NCOA1: variants seen among roughly 807,000 people sequenced by gnomAD.
The protein encoded by NCOA1 is nuclear receptor coactivator 1.
A neutral mutation model predicts 150.9 loss-of-function variants in NCOA1; 35 were observed. The observed-to-expected ratio is 0.23, with a 90% CI of 0.18 to 0.31. The LOEUF (loss-of-function observed/expected upper bound fraction) is 0.31. Among genes scored for constraint, NCOA1 ranks in the 10% least tolerant of loss-of-function variants. The pLI is 1.00. For missense variants in NCOA1, 1,491 were observed against 1,749.3 expected (o/e 0.85, Z 2.63); for synonymous variants, 590 against 630.0 (o/e 0.94, Z 0.95).
At chr2:24,534,336 TTCTTCTTTATTAG>T (rs1396478152) in intron 1 of NCOA1, among the ~76,000 whole-genome samples, 1 of 152,130 alleles carries the variant, frequency 6.6e-6, no homozygotes, top group Non-Finnish European at 1.5e-5. Flanking sequence ...CTTCTCTCTT[TTCTTCTTTATTAG>T]TCTTGCTAGA....
intron 2 of NCOA1, among the ~76,000 whole-genome samples, chr2:24,581,286 C>T (rs1389387999): frequency 1.3e-5 from 2 of 152,222 alleles, no homozygotes; most frequent in Non-Finnish European, 2.9e-5. Context: ...TCTTCACTGA[C>T]ACTGTGGAAA....
intron 5 of NCOA1, among the ~76,000 whole-genome samples, chr2:24,661,063 A>G (rs1270459044): frequency 1.3e-5 from 2 of 149,728 alleles, no homozygotes; most frequent in African/African-American, 4.9e-5. Context: ...CTCCGGCTCA[A>G]AAAAAAAAAA....
chr2:24,533,909 T>C (rs1050026335), intron 1 of NCOA1, among the ~76,000 whole-genome samples: 5 of 151,482 alleles, frequency 3.3e-5, no homozygotes, highest in Non-Finnish European at 7.4e-5. Context: ...ATTCTCTTTT[T>C]TGTTGTGTCT....
At chr2:24,632,377 C>T (rs1669745468) in intron 3 of NCOA1, among the ~76,000 whole-genome samples, 1 of 152,160 alleles carries the variant, frequency 6.6e-6, no homozygotes, top group Non-Finnish European at 1.5e-5. Flanking sequence ...GGTTTCAAAG[C>T]TATTTAAAAA....
At chr2:24,751,370 G>A (rs1664231494) in intron 19 of NCOA1, among the ~76,000 whole-genome samples, 1 of 151,390 alleles carries the variant, frequency 6.6e-6, no homozygotes, top group Non-Finnish European at 1.5e-5. Context: ...ATCACCTGAG[G>A]TCAGGAGTTC....
Position 24,742,253 on chromosome 2 carries a change from A to G in NCOA1, c.3706+67A>G, listed in dbSNP as rs971188179. 9.3e-6 allele frequency: 14 copies of G among 1,503,298 alleles called. No individual in the cohort carries two copies. The African/African-American group carries it at 1.7e-4, about 18-fold the overall frequency. The allele number at this position is 1,503,298 out of a possible 1,614,324, so 93.1% of individuals were successfully genotyped here. ...CAGGCTTAGGTCTCTCTCCATCTTT[A>G]TGTCTGTGCTTGGACATTAAAATAG... On this transcript the variant is annotated intron_variant, in intron 19 of 22. Transcript: ENST00000348332.
At chr2:24,749,471 G>GA (rs1664110294) in intron 19 of NCOA1, among the ~76,000 whole-genome samples, 1 of 152,218 alleles carries the variant, frequency 6.6e-6, no homozygotes, top group African/African-American at 2.4e-5. Flanking sequence ...AAAACCACCT[G>GA]AAAAGATAAG....
At chr2:24,590,884 A>G (rs920257429) in intron 3 of NCOA1, among the ~76,000 whole-genome samples, 1 of 152,020 alleles carries the variant, frequency 6.6e-6, no homozygotes, top group African/African-American at 2.4e-5. Context: ...TGTATTGTTT[A>G]TTTGTTTTAT....
At chr2:24,632,369 T>C (rs1355701922) in intron 3 of NCOA1, among the ~76,000 whole-genome samples, 1 of 152,106 alleles carries the variant, frequency 6.6e-6, no homozygotes, top group Non-Finnish European at 1.5e-5. Context: ...AGGAAGATGG[T>C]TTCAAAGCTA....
intron 17 of NCOA1, among the ~76,000 whole-genome samples, chr2:24,734,676 G>A (rs1663198980): frequency 6.6e-6 from 1 of 152,034 alleles, no homozygotes; most frequent in Non-Finnish European, 1.5e-5. Flanking sequence ...GTGTGGTGAT[G>A]TGCACCTGTA....
intron 3 of NCOA1, among the ~76,000 whole-genome samples, chr2:24,601,452 C>G (rs892589277): frequency 1.3e-5 from 2 of 152,052 alleles, no homozygotes; most frequent in African/African-American, 4.8e-5. Context: ...TGGCTGCAAG[C>G]TGTCCTTTCA....
Position 24,621,432 on chromosome 2 carries a change from A to ATTTTTTTTTTTTTTTTTTTT in NCOA1, c.-174-22520_-174-22501dup, listed in dbSNP as rs1162282258. On this transcript the variant is annotated intron_variant, in intron 3 of 22. Coordinates refer to ENST00000348332, the MANE Select transcript of NCOA1 (RefSeq NM_003743.5). Reference sequence around the variant, plus strand: ...TTGTGTTATGTGTGTATTCAGGCAGATTTTTTTTTTTTTTTTTTTTTTTTT... The same window carrying ATTTTTTTTTTTTTTTTTTTT: ...TTGTGTTATGTGTGTATTCAGGCAGATTTTTTTTTTTTTTTTTTTTTTTTTTTTTTTTTTTTTTTTTTTTT... Among the ~76,000 whole-genome samples, 3 of 38,892 alleles carry ATTTTTTTTTTTTTTTTTTTT rather than the reference A, an allele frequency of 7.7e-5. 1 individual carries two copies. Among genetic ancestry groups the ATTTTTTTTTTTTTTTTTTTT allele is most frequent in the African/African-American group, 2.3e-4 (2 of 8,606 alleles). The allele number at this position is 38,892 out of a possible 152,430, so 25.5% of individuals were successfully genotyped here.
intron 11 of NCOA1, among the ~76,000 whole-genome samples, chr2:24,698,018 C>G (rs1558295669): frequency 6.6e-6 from 1 of 152,000 alleles, no homozygotes; most frequent in African/African-American, 2.4e-5. Context: ...GTGGTGGTCA[C>G]TCATTCATTC....
At chr2:24,711,215 T>C (rs1471352081) in intron 14 of NCOA1, 104 bp downstream of exon 14, 1 of 1,109,050 alleles carries the variant, frequency 9.0e-7, no homozygotes, top group African/African-American at 1.6e-5. Flanking sequence ...AAGAGTGAAA[T>C]ATCTTTTTAT....
At chr2:24,640,395 T>G (rs139257254) in intron 3 of NCOA1, among the ~76,000 whole-genome samples, 1 of 152,304 alleles carries the variant, frequency 6.6e-6, no homozygotes, top group East Asian at 1.9e-4. Flanking sequence ...ATCTAGTTGT[T>G]TTATCTATTA....
At chr2:24,578,442 G>T (rs1353443486) in intron 2 of NCOA1, among the ~76,000 whole-genome samples, 2 of 152,002 alleles carry the variant, frequency 1.3e-5, no homozygotes, top group Non-Finnish European at 2.9e-5. Context: ...AAACTAAAAA[G>T]AAAAATAACA....
intron 1 of NCOA1, among the ~76,000 whole-genome samples, chr2:24,515,318 C>T (rs1288955731): frequency 2.0e-5 from 3 of 152,094 alleles, no homozygotes; most frequent in Non-Finnish European, 2.9e-5. Flanking sequence ...CTGCAACCTC[C>T]GCCTACCAGG....
chr2:24,551,140 C>A (rs929356355), intron 1 of NCOA1, among the ~76,000 whole-genome samples: 5 of 147,754 alleles, frequency 3.4e-5, no homozygotes, highest in African/African-American at 1.2e-4. Flanking sequence ...TTGTGGTTGT[C>A]TTTTTTTGTA....
At chr2:24,535,022 T>C (rs1265507872) in intron 1 of NCOA1, among the ~76,000 whole-genome samples, 4 of 152,182 alleles carry the variant, frequency 2.6e-5, no homozygotes, top group South Asian at 4.1e-4. Flanking sequence ...TTCTGTCTTA[T>C]TGATCTGTCT....
Sources: allele counts gnomAD v4.1 joint callset (sites outside exome capture counted in the v4.1 genomes callset), GRCh38; gene constraint gnomAD v4.1.1; transcripts MANE v1.5; gene names NCBI Gene and HGNC (gene_info 2026-07-23, HGNC 2026-07-21).